NR1H4: variants seen among roughly 807,000 people sequenced by gnomAD.
The protein encoded by NR1H4 is nuclear receptor subfamily 1 group H member 4, also known as bile acid receptor.
A neutral mutation model predicts 58.5 loss-of-function variants in NR1H4; 23 were observed. The ratio of observed to expected loss-of-function variants is 0.39; its 90% CI spans 0.28 to 0.56. NR1H4 has a LOEUF of 0.56. NR1H4 is among the 20% of genes least tolerant of loss of function. The probability of loss-of-function intolerance (pLI) is 0.58; values close to 1 mark genes in which losing one functional copy is unlikely to be tolerated. For missense variants in NR1H4, 487 were observed against 576.9 expected, an observed-to-expected ratio of 0.84 and a Z score of 1.60; for synonymous variants, 214 against 198.0, an observed-to-expected ratio of 1.08 and a Z score of -0.68.
At chr12:100,531,488 TC>T (rs372408280) in intron 4 of NR1H4, among the ~76,000 whole-genome samples, 279 of 152,156 alleles carry the variant, frequency 1.8e-3, no homozygotes, top group African/African-American at 5.2e-3. Context: ...GATGAAAGTA[TC>T]CCGAAGATGA....
At chr12:100,515,508 T>C (rs1382989346) in intron 4 of NR1H4, among the ~76,000 whole-genome samples, 1 of 152,158 alleles carries the variant, frequency 6.6e-6, no homozygotes, top group Admixed American at 6.6e-5. Context: ...TATTTCTTGC[T>C]GCTAATGGGC....
In NR1H4 at chr12:100,479,746, C is replaced by T. The variant is rs60531378; in HGVS notation, c.-190+5687C>T. Among the ~76,000 whole-genome samples, 1,074 of 152,358 alleles carry T rather than the reference C, an allele frequency of 7.0e-3. 12 individuals are homozygous for T. The highest frequency in any genetic ancestry group is 0.025 in the African/African-American group (1,025 of 41,580). On this transcript the variant is annotated intron_variant, in intron 1 of 10. Coordinates refer to ENST00000392986, the MANE Select transcript of NR1H4 (RefSeq NM_001206979.2). ...CATACAAGAGCTGCCTACTCTCAGA[C>T]CTCATTTCCTATAGCCCCTCCTTGG...
intron 9 of NR1H4, among the ~76,000 whole-genome samples, chr12:100,542,128 T>C (rs1954952023): frequency 6.6e-6 from 1 of 151,910 alleles, no homozygotes; most frequent in African/African-American, 2.4e-5. Context: ...GGTGGATCAC[T>C]TGAAATCAGG....
intron 3 of NR1H4, chr12:100,499,995 T>C (rs1953798469): frequency 2.2e-6 from 1 of 455,698 alleles, no homozygotes; most frequent in Non-Finnish European, 4.4e-6. Context: ...TATTTGCCAC[T>C]AAAATTCACT....
rs912063938 is a variant in NR1H4, at chr12:100,563,779, C to T, written c.*290C>T. 58 of 376,612 alleles carry T rather than the reference C, an allele frequency of 1.5e-4. No individual in the cohort carries two copies. Among genetic ancestry groups the T allele is most frequent in the Admixed American group, 1.3e-3 (30 of 23,660 alleles). 23.3% of individuals were successfully genotyped at this position (376,612 alleles called of 1,614,324 possible). ...TTCTATCTGTTGAACTAGGGAAAAT[C>T]TCATTTTGCTCATCTTACCATATTG... On this transcript the variant is annotated 3_prime_UTR_variant, in exon 11 of 11. Transcript: ENST00000392986.
chr12:100,500,929 C>T (rs1426558913), intron 3 of NR1H4, among the ~76,000 whole-genome samples: 1 of 152,014 alleles, frequency 6.6e-6, no homozygotes, highest in African/African-American at 2.4e-5. Context: ...TAATAAATAG[C>T]CATACATAGC....
intron 1 of NR1H4, among the ~76,000 whole-genome samples, chr12:100,490,279 A>G (rs905781034): frequency 6.6e-6 from 1 of 152,204 alleles, no homozygotes. Context: ...GTGTGCCTGG[A>G]AAATATTAAA....
At chr12:100,532,387 CA>C (rs1954714130) in intron 4 of NR1H4, 70 bp from the exon 5 acceptor site, 1 of 1,526,186 alleles carries the variant, frequency 6.6e-7, no homozygotes, top group Non-Finnish European at 9.1e-7. Flanking sequence ...TGGCATCTCT[CA>C]ATCCAAACCT....
chr12:100,479,767 C>G (rs946234746), intron 1 of NR1H4, among the ~76,000 whole-genome samples: 1 of 152,266 alleles, frequency 6.6e-6, no homozygotes, highest in African/African-American at 2.4e-5. Flanking sequence ...ATAGCCCCTC[C>G]TTGGCTCACT....
rs147210115 is a variant in NR1H4 at position 100,531,313 on chromosome 12, G to A, written c.446-1145G>A. ...TCTACTAAAAATACAAAAATTAGTCGGCCGCGGTGGGCGGCGCCTGTCATC... is the reference window on the plus strand; with the variant it reads ...TCTACTAAAAATACAAAAATTAGTCAGCCGCGGTGGGCGGCGCCTGTCATC... On this transcript the variant is annotated intron_variant, in intron 4 of 10. Coordinates refer to ENST00000392986, the MANE Select transcript of NR1H4 (RefSeq NM_001206979.2). Among the ~76,000 whole-genome samples, 1,247 of 152,084 alleles carry A rather than the reference G, an allele frequency of 8.2e-3. 9 individuals carry two copies. Among genetic ancestry groups the A allele is most frequent in the Middle Eastern group, 0.02 (6 of 294 alleles).
chr12:100,558,812 TGATA>T (rs1224427365), intron 9 of NR1H4, among the ~76,000 whole-genome samples: 2 of 151,944 alleles, frequency 1.3e-5, no homozygotes, highest in Non-Finnish European at 2.9e-5. Flanking sequence ...TGTGATAGAG[TGATA>T]GAGTGCAGCT....
In NR1H4 at chr12:100,563,298, C is replaced by T. The variant is rs1224454879; in HGVS notation, c.1240C>T (p.Pro414Ser). 1 of 1,613,926 alleles carries T rather than the reference C, an allele frequency of 6.2e-7. No homozygotes were observed. The highest frequency in any genetic ancestry group is 2.2e-5 in the East Asian group (1 of 44,898). The change falls in exon 11 of 11, where the codon CCA becomes TCA. Residue 414 changes from proline (P) to serine (S), a missense_variant. Coordinates refer to ENST00000392986, the MANE Select transcript of NR1H4 (RefSeq NM_001206979.2). ...AGAGGCAGTAGAGAAGCTTCAGGAG[C>T]CACTTCTTGATGTGCTACAAAAGTT... ...DREAVEKLQE[P>S]LLDVLQKLCK...
rs146393173 is a variant in NR1H4, at chr12:100,547,705, T to TTTTATTTA, written c.1078+6911_1078+6918dup. Reference sequence around the variant, plus strand: ...CAGAAGCAATTGTCTTATTCCTTTGTTTTATTTATTTATTTATTTATTTAT... The same window carrying TTTTATTTA: ...CAGAAGCAATTGTCTTATTCCTTTGTTTTATTTATTTATTTATTTATTTATTTATTTAT... On this transcript the variant is annotated intron_variant, in intron 9 of 10. Coordinates refer to ENST00000392986, the MANE Select transcript of NR1H4 (RefSeq NM_001206979.2). Among the ~76,000 whole-genome samples, 230 of 149,890 alleles carry TTTTATTTA rather than the reference T, an allele frequency of 1.5e-3. 4 individuals carry two copies. The highest frequency in any genetic ancestry group is 0.013 in the South Asian group (60 of 4,628).
chr12:100,498,777 T>C (rs1321549734), intron 3 of NR1H4, among the ~76,000 whole-genome samples: 1 of 152,190 alleles, frequency 6.6e-6, no homozygotes. Flanking sequence ...TAACAGTCTT[T>C]CCGGAGCCCC....
chr12:100,542,556 T>G (rs1954962955), intron 9 of NR1H4, among the ~76,000 whole-genome samples: 1 of 152,170 alleles, frequency 6.6e-6, no homozygotes, highest in Non-Finnish European at 1.5e-5. Context: ...TCCCGAGAGA[T>G]TTCATATATG....
chr12:100,535,080 T>C lies in NR1H4; in HGVS notation c.732+57T>C, dbSNP rs984357029. On this transcript the variant is annotated intron_variant, in intron 6 of 10. Coordinates refer to ENST00000392986, the MANE Select transcript of NR1H4 (RefSeq NM_001206979.2). ...GGCAGGAACTGAGTTTCTAGGTACA[T>C]AGTGAGCTGGCCAGGAGGCTTTCAA... 4.3e-5 allele frequency: 69 copies of C among 1,604,680 alleles called. No individual in the cohort carries two copies. The East Asian group carries it at 7.8e-4, about 18-fold the overall frequency.
chr12:100,479,680 A>G (rs1451953445), intron 1 of NR1H4, among the ~76,000 whole-genome samples: 1 of 152,198 alleles, frequency 6.6e-6, no homozygotes, highest in Non-Finnish European at 1.5e-5. Flanking sequence ...AATTACTTCC[A>G]TTTAGAAGAA....
intron 8 of NR1H4, among the ~76,000 whole-genome samples, chr12:100,537,957 G>A (rs1488453106): frequency 6.6e-6 from 1 of 152,168 alleles, no homozygotes; most frequent in African/African-American, 2.4e-5. Context: ...CAAGTGAGCT[G>A]CCCGACTTGG....
At chr12:100,543,776 A>G (rs1409052673) in intron 9 of NR1H4, among the ~76,000 whole-genome samples, 1 of 152,180 alleles carries the variant, frequency 6.6e-6, no homozygotes, top group Non-Finnish European at 1.5e-5. Flanking sequence ...AACTTAGGAA[A>G]GAATTAAAGG....
Sources: gnomAD v4.1 joint callset for allele counts (sites outside exome capture counted in the v4.1 genomes callset) on GRCh38, gnomAD v4.1.1 for gene constraint, MANE v1.5 for transcripts, NCBI Gene and HGNC (gene_info 2026-07-23, HGNC 2026-07-21) for gene names.